VPS13B: variants seen among roughly 807,000 people sequenced by gnomAD.
The protein encoded by VPS13B is intermembrane lipid transfer protein VPS13B.
VPS13B carries 285 observed loss-of-function variants against 426.4 expected under a neutral mutation model. The observed-to-expected ratio is 0.67, with a 90% CI of 0.61 to 0.74. The LOEUF (loss-of-function observed/expected upper bound fraction) is 0.74. Among genes scored for constraint, VPS13B ranks in the 30% least tolerant of loss-of-function variants. VPS13B has a pLI of 0.00. For missense variants in VPS13B, 4,537 were observed against 4,782.6 expected, an observed-to-expected ratio of 0.95 and a Z score of 1.51; for synonymous variants, 1,676 against 1,676.4, an observed-to-expected ratio of 1.00 and a Z score of 0.01.
intron 19 of VPS13B, among the ~76,000 whole-genome samples, chr8:99,329,485 C>T (rs1191670787): frequency 1.3e-5 from 2 of 151,808 alleles, no homozygotes; most frequent in African/African-American, 4.8e-5. Flanking sequence ...ATTTTTTTGC[C>T]TTGACATCCA....
chr8:99,256,348 A>G (rs1437030242), intron 17 of VPS13B, among the ~76,000 whole-genome samples: 5 of 152,190 alleles, frequency 3.3e-5, no homozygotes, highest in Non-Finnish European at 7.4e-5. Context: ...ATAAATAGTG[A>G]AACTATGAAC....
chr8:99,875,777 T>A lies in VPS13B; in HGVS notation c.*111T>A. On this transcript the variant is annotated 3_prime_UTR_variant, in exon 62 of 62. Transcript: ENST00000357162. ...ACCTCAAATTCTGGGGTTCAAGCAA[T>A]CCTCCCACCTCAACCCACAAGTAGC... The A allele has an allele frequency of 7.2e-7, 1 of 1,393,992 alleles. No homozygotes were observed. The highest frequency in any genetic ancestry group is 2.4e-5 in the East Asian group (1 of 42,238). The allele number at this position is 1,393,992 out of a possible 1,614,324, so 86.4% of individuals were successfully genotyped here. A position where few individuals can be genotyped will look rare whatever the true frequency, so the allele number is the denominator to read the frequency against.
chr8:99,537,951 C>T (rs1823347261), intron 30 of VPS13B, among the ~76,000 whole-genome samples: 3 of 152,068 alleles, frequency 2.0e-5, no homozygotes, highest in Admixed American at 1.3e-4. Flanking sequence ...TAAAATATTT[C>T]TTATAATTGG....
chr8:99,226,143 A>T (rs1305223873), intron 17 of VPS13B, among the ~76,000 whole-genome samples: 1 of 152,072 alleles, frequency 6.6e-6, no homozygotes, highest in African/African-American at 2.4e-5. Flanking sequence ...ATGGGGTTTC[A>T]CTGTGTTAGC....
At chr8:99,038,301 T>C in intron 2 of VPS13B, 122 bp from the exon 3 acceptor site, 1 of 786,922 alleles carries the variant, frequency 1.3e-6, no homozygotes, top group Non-Finnish European at 1.9e-6. Context: ...TATTAAGCAC[T>C]AAACAATAAG....
intron 28 of VPS13B, among the ~76,000 whole-genome samples, chr8:99,510,773 A>G (rs1821749994): frequency 1.3e-5 from 2 of 152,152 alleles, no homozygotes; most frequent in South Asian, 4.1e-4. Flanking sequence ...TAGCCTCCCA[A>G]AGTGTTGGGA....
At chr8:99,770,485 G>A (rs1038927876) in intron 40 of VPS13B, among the ~76,000 whole-genome samples, 2 of 152,158 alleles carry the variant, frequency 1.3e-5, no homozygotes, top group African/African-American at 2.4e-5. Context: ...AACTCAGACT[G>A]GGTGACTGGG....
chr8:99,689,581 G>T (rs1831561356), intron 35 of VPS13B, among the ~76,000 whole-genome samples: 1 of 152,204 alleles, frequency 6.6e-6, no homozygotes, highest in South Asian at 2.1e-4. Flanking sequence ...TACTTAGGAG[G>T]CTGAGGCGGG....
chr8:99,098,614 A>G (rs1055876329), intron 4 of VPS13B, among the ~76,000 whole-genome samples: 1 of 152,104 alleles, frequency 6.6e-6, no homozygotes, highest in Non-Finnish European at 1.5e-5. Context: ...ACCTCTGCTT[A>G]TATCTTTAGG....
chr8:99,796,130 A>C (rs1812800151), intron 43 of VPS13B, among the ~76,000 whole-genome samples: 1 of 152,174 alleles, frequency 6.6e-6, no homozygotes, highest in Non-Finnish European at 1.5e-5. Flanking sequence ...TTTAAAATCC[A>C]AAAAGGATAT....
chr8:99,483,397 A>T (rs1272793130), intron 25 of VPS13B, among the ~76,000 whole-genome samples: 1 of 152,180 alleles, frequency 6.6e-6, no homozygotes, highest in Non-Finnish European at 1.5e-5. Flanking sequence ...AAGAGTTCCA[A>T]TATTATTAGC....
intron 40 of VPS13B, among the ~76,000 whole-genome samples, chr8:99,771,718 G>A (rs1811500694): frequency 6.6e-6 from 1 of 152,132 alleles, no homozygotes; most frequent in Non-Finnish European, 1.5e-5. Context: ...AAGTGACTGT[G>A]GCCTTCCAGA....
chr8:99,121,236 T>G lies in VPS13B; in HGVS notation c.997T>G (p.Leu333Val), dbSNP rs1308663553. The change falls in exon 8 of 62, where the codon TTA (leucine) becomes GTA (valine). Residue 333 changes from leucine (L) to valine (V), a missense_variant. By Grantham distance (32) the Leu-to-Val change is conservative (BLOSUM62 1). Transcript: ENST00000357162. The part of the protein sequence containing the change: ...QYPAQHKGQE[L>V]YSQQDEEQPQ... The stretch of plus-strand genomic sequence containing the variant: ...TCCTGCTCAGCATAAAGGTCAAGAG[T>G]TATATTCACAGCAAGATGAGGAGCA... 1.2e-6 allele frequency: 2 copies of G among 1,613,938 alleles called. No individual in the cohort carries two copies. The highest frequency in any genetic ancestry group is 1.7e-5 in the Admixed American group (1 of 60,004).
chr8:99,028,397 C>G, intron 2 of VPS13B, among the ~76,000 whole-genome samples: 1 of 149,090 alleles, frequency 6.7e-6, no homozygotes, highest in South Asian at 2.1e-4. Flanking sequence ...GGGGCTGACC[C>G]CCCCCACCTC....
intron 33 of VPS13B, among the ~76,000 whole-genome samples, chr8:99,580,861 T>C (rs1288282214): frequency 6.7e-6 from 1 of 148,796 alleles, no homozygotes; most frequent in African/African-American, 2.5e-5. Flanking sequence ...CTCAAAAAAA[T>C]AAAAGGAAGA....
intron 6 of VPS13B, among the ~76,000 whole-genome samples, chr8:99,111,595 G>A (rs1847372083): frequency 6.6e-6 from 1 of 151,706 alleles, no homozygotes; most frequent in Non-Finnish European, 1.5e-5. Context: ...TACCCACAGT[G>A]GACTGCATAT....
rs532032988 is a variant in VPS13B, at chr8:99,249,360, A to G, written c.2516-24838A>G. Among the ~76,000 whole-genome samples, 10 of 151,476 alleles carry G rather than the reference A, an allele frequency of 6.6e-5. 1 individual carries two copies. The South Asian group carries it at 2.1e-3, about 32-fold the overall frequency. On this transcript the variant is annotated intron_variant, in intron 17 of 61. Transcript: ENST00000357162. The stretch of plus-strand genomic sequence containing the variant: ...TTTATATACAAGTTTTTGTGTGAAC[A>G]TGCATTTTCGTTTCTCTGGGACTAA...
At chr8:99,220,273 A>C (rs1215834972) in intron 17 of VPS13B, among the ~76,000 whole-genome samples, 1 of 152,148 alleles carries the variant, frequency 6.6e-6, no homozygotes, top group Non-Finnish European at 1.5e-5. Context: ...GCTTTTGTTT[A>C]GGCTAGTTTA....
Position 99,115,744 on chromosome 8 carries a change from A to T in VPS13B, c.807A>T (p.Gln269His), listed in dbSNP as rs775213704. 6.2e-7 allele frequency: 1 copy of T among 1,613,330 alleles called. No individual in the cohort carries two copies. The change falls in exon 7 of 62, where the codon CAA becomes CAT. Residue 269 changes from glutamine to histidine, a missense_variant. Physicochemically the swap from Gln to His is conservative, Grantham distance 24. This residue lies in a region of VPS13B where 4,311 missense variants were observed against 4,474.3 expected (regional missense o/e 0.96). Coordinates refer to ENST00000357162, the MANE Select transcript of VPS13B (RefSeq NM_152564.5). ...VESLKLSITD[Q>H]QLPMFIRIMQ... ...GTTTGAAACTTTCTATCACAGATCA[A>T]CAACTGCCTATGTTTATTCGTATAA...
Sources: gnomAD v4.1 joint callset for allele counts (sites outside exome capture counted in the v4.1 genomes callset) on GRCh38, gnomAD v4.1.1 for gene constraint, gnomAD v4.1.1 regional missense constraint, MANE v1.5 for transcripts, NCBI Gene and HGNC (gene_info 2026-07-23, HGNC 2026-07-21) for gene names.